CNTROB: variants seen among roughly 807,000 people sequenced by gnomAD.
CNTROB encodes the protein centrobin.
CNTROB carries 82 observed loss-of-function variants against 115.7 expected under a neutral mutation model. The ratio of observed to expected loss-of-function variants is 0.71; its 90% CI spans 0.59 to 0.85. The LOEUF is 0.85. CNTROB is among the 40% of genes least tolerant of loss of function. The pLI, the probability that CNTROB is intolerant of heterozygous loss-of-function variation, is 0.00. For synonymous variants in CNTROB, 439 were observed against 456.4 expected (o/e 0.96, Z 0.49); for missense variants, 1,014 against 1,144.4 (o/e 0.89, Z 1.64).
At chr17:7,936,843 T>C (rs1973242833) in intron 6 of CNTROB, 26 bp downstream of exon 6, 1 of 918,192 alleles carries the variant, frequency 1.1e-6, no homozygotes, top group Non-Finnish European at 1.8e-6. Flanking sequence ...CATATGGCAT[T>C]AGAACCTGAG....
chr17:7,933,395 AG>A (rs776786239), intron 1 of CNTROB, 46 bp downstream of exon 1: 1 of 1,558,816 alleles, frequency 6.4e-7, no homozygotes, highest in Non-Finnish European at 8.7e-7. Context: ...TAGACACCAG[AG>A]AGTCTTGGGA....
In CNTROB at chr17:7,939,558, C is replaced by T. The variant is rs1481877069; in HGVS notation, c.973C>T (p.Gln325Ter). The T allele has an allele frequency of 4.3e-6, 7 of 1,614,134 alleles. No individual in the cohort carries two copies. In the Admixed American group the frequency reaches 5.0e-5, roughly 12 times the overall value. The change falls in exon 8 of 19, where the codon CAG (glutamine) becomes TAG (stop). Residue 325 changes from glutamine (Q) to a stop codon, truncating the protein, a stop_gained. Coordinates refer to ENST00000563694, the MANE Select transcript of CNTROB (RefSeq NM_053051.5). LOFTEE classifies it high-confidence loss of function. The surrounding 1 kb of genome is among the most constrained non-coding windows in gnomAD (Gnocchi z 4.4). ...ALTLRLEAEQQRCCVLQEERD... is the reference protein window; with the variant it reads ...ALTLRLEAEQ ...GACTCTGAGGTTGGAGGCAGAACAG[C>T]AGCGGTGCTGTGTCCTGCAGGAAGA...
rs549067805 is a variant in CNTROB, at chr17:7,937,013, A to G, written c.829-151A>G. ...GTCCAACTTGAATCATCAATGTCTT[A>G]ATTTTTCCCACACCATGTAGTCTTC... On this transcript the variant is annotated intron_variant, in intron 6 of 18. Transcript: ENST00000563694. The G allele has an allele frequency of 3.0e-6, 3 of 1,009,654 alleles. No individual in the cohort carries two copies. In the East Asian group the frequency reaches 7.2e-5, roughly 24 times the overall value. The allele number at this position is 1,009,654 out of a possible 1,614,324, so 62.5% of individuals were successfully genotyped here. A position where few individuals can be genotyped will look rare whatever the true frequency, so the allele number is the denominator to read the frequency against.
At chr17:7,936,315 G>T (rs1271087579) in intron 4 of CNTROB, 51 bp from the exon 5 acceptor site, 1 of 819,830 alleles carries the variant, frequency 1.2e-6, no homozygotes, top group Non-Finnish European at 2.2e-6. Flanking sequence ...GTTTGGTGCT[G>T]TGGTCATACC....
At position 7,936,288 on chromosome 17, in the gene CNTROB, A is replaced by G. The variant is rs768867169; in HGVS notation, c.595-78A>G. On this transcript the variant is annotated intron_variant, in intron 4 of 18. Transcript: ENST00000563694. Reference sequence around the variant, plus strand: ...CTTCTTGGCTCCAGCCCACTCCCCCACTAGAGGAGCTGGAAAGTTTGGTGC... The same window carrying G: ...CTTCTTGGCTCCAGCCCACTCCCCCGCTAGAGGAGCTGGAAAGTTTGGTGC... The G allele has an allele frequency of 7.7e-6, 6 of 775,336 alleles. No individual in the cohort carries two copies. The African/African-American group carries it at 1.0e-4, about 13-fold the overall frequency. The allele number at this position is 775,336 out of a possible 1,614,324, so 48.0% of individuals were successfully genotyped here.
chr17:7,947,743 A>G (rs1974724523), intron 14 of CNTROB, 21 bp downstream of exon 14: 1 of 1,603,494 alleles, frequency 6.2e-7, no homozygotes. Context: ...TTCCACCCAG[A>G]CTAGCTCACT....
At chr17:7,934,927 A>C in intron 3 of CNTROB, 62 bp from the exon 4 acceptor site, 2 of 1,510,864 alleles carry the variant, frequency 1.3e-6, no homozygotes, top group African/African-American at 2.8e-5. Context: ...AGAATATCAC[A>C]GTTGGACAAG....
chr17:7,940,392 G>C lies in CNTROB; in HGVS notation c.1311+150G>C, dbSNP rs73235735. ...TTCTATGTAGTATGGGTAGTTTTCT[G>C]TCCTAAACTCAGAGCTATTTCTTAC... On this transcript the variant is annotated intron_variant, in intron 9 of 18. Coordinates refer to ENST00000563694, the MANE Select transcript of CNTROB (RefSeq NM_053051.5). The C allele has an allele frequency of 4.2e-3, 2,722 of 643,116 alleles. 59 individuals are homozygous for C. In the African/African-American group the frequency reaches 0.045, roughly 11 times the overall value. 39.8% of individuals were successfully genotyped at this position (643,116 alleles called of 1,614,324 possible).
At position 7,932,569 on chromosome 17, in the gene CNTROB, TGG is replaced by T. The variant is rs1972638774; in HGVS notation, c.-507_-506del. On this transcript the variant is annotated 5_prime_UTR_variant, in exon 1 of 19. The change creates a premature stop within an existing upstream ORF in the 5' untranslated region. Transcript: ENST00000563694. ...ACCCTGGGTAGAACGGGTGAAGGGATGGGGGAGCGTGAGGTTCCGCCCTCTCT... is the reference window on the plus strand; with the variant it reads ...ACCCTGGGTAGAACGGGTGAAGGGATGGGAGCGTGAGGTTCCGCCCTCTCT... The T allele has an allele frequency of 4.4e-5, 7 of 158,502 alleles. No individual in the cohort carries two copies. The Admixed American group carries it at 4.5e-4, about 10-fold the overall frequency. The allele number at this position is 158,502 out of a possible 1,614,324, so 9.8% of individuals were successfully genotyped here.
At position 7,949,472 on chromosome 17, in the gene CNTROB, C is replaced by T; in HGVS notation, c.2674C>T (p.Pro892Ser). Reference sequence around the variant, plus strand: ...ACGGAAGAAAAGTGGGCACCCTGCCCCGAGTAGCATGAGGAGCCGGGGGGG... The same window carrying T: ...ACGGAAGAAAAGTGGGCACCCTGCCTCGAGTAGCATGAGGAGCCGGGGGGG... ...PARKKSGHPA[P>S]SSMRSRGGVW... Residue 892 changes from proline to serine, a missense_variant, in exon 19 of 19, where the codon CCG becomes TCG. Transcript: ENST00000563694. The T allele has an allele frequency of 6.2e-7, 1 of 1,614,188 alleles. No homozygotes were observed. Among genetic ancestry groups the T allele is most frequent in the Non-Finnish European group, 8.5e-7 (1 of 1,180,038 alleles).
Position 7,943,264 on chromosome 17 carries a change from G to A in CNTROB, c.1312-127G>A, listed in dbSNP as rs1172367125. On this transcript the variant is annotated intron_variant, in intron 9 of 18. Coordinates refer to ENST00000563694, the MANE Select transcript of CNTROB (RefSeq NM_053051.5). The surrounding 1 kb of genome is among the most constrained non-coding windows in gnomAD (Gnocchi z 4.7). ...AAAGGGAACCTCTTTCACTCCTTGAGGCAAAATTCTTGTTCTTCATCTCAT... is the reference window on the plus strand; with the variant it reads ...AAAGGGAACCTCTTTCACTCCTTGAAGCAAAATTCTTGTTCTTCATCTCAT... 3.2e-6 allele frequency: 2 copies of A among 622,604 alleles called. No homozygotes were observed. The highest frequency in any genetic ancestry group is 3.7e-5 in the African/African-American group (2 of 53,742). The allele number at this position is 622,604 out of a possible 1,614,324, so 38.6% of individuals were successfully genotyped here. A position where few individuals can be genotyped will look rare whatever the true frequency, so the allele number is the denominator to read the frequency against.
At position 7,944,448 on chromosome 17, in the gene CNTROB, T is replaced by C. The variant is rs374423506; in HGVS notation, c.1572-28T>C. 2.5e-6 allele frequency: 4 copies of C among 1,608,118 alleles called. No homozygotes were observed. In the African/African-American group the frequency reaches 5.3e-5, roughly 21 times the overall value. On this transcript the variant is annotated intron_variant, in intron 11 of 18. Coordinates refer to ENST00000563694, the MANE Select transcript of CNTROB (RefSeq NM_053051.5). This position sits in a 1 kb window ranked among gnomAD's most constrained non-coding sequence, Gnocchi z 4.0. ...CAAGTATCTGCTTCCTTAAAGGCCC[T>C]GAGTCACTTCTTCTCTCTTTGCTTC...
rs1462297709 is a variant in CNTROB, at chr17:7,948,399, C to T, written c.2380+72C>T. On this transcript the variant is annotated intron_variant, in intron 16 of 18. Coordinates refer to ENST00000563694, the MANE Select transcript of CNTROB (RefSeq NM_053051.5). This position sits in a 1 kb window ranked among gnomAD's most constrained non-coding sequence, Gnocchi z 4.4. Reference sequence around the variant, plus strand: ...AGTGTGGATCCAGTACAGGCACTTACAGTCCTTCTGAATTCCTGGGGAAAT... The same window carrying T: ...AGTGTGGATCCAGTACAGGCACTTATAGTCCTTCTGAATTCCTGGGGAAAT... The T allele has an allele frequency of 5.6e-6, 9 of 1,607,282 alleles. No homozygotes were observed. In the Admixed American group the frequency reaches 6.7e-5, roughly 12 times the overall value.
rs765828028 is a variant in CNTROB at position 7,949,463 on chromosome 17, C to G, written c.2665C>G (p.His889Asp). ...EKPPARKKSG[H>D]PAPSSMRSRG... is the part of the protein sequence containing the mutation. Reference sequence around the variant, plus strand: ...ACCTCCCGCACGGAAGAAAAGTGGGCACCCTGCCCCGAGTAGCATGAGGAG... The same window carrying G: ...ACCTCCCGCACGGAAGAAAAGTGGGGACCCTGCCCCGAGTAGCATGAGGAG... Residue 889 changes from histidine (H) to aspartate (D), a missense_variant, in exon 19 of 19, where the codon CAC becomes GAC. His to Asp is a moderately conservative substitution (Grantham distance 81). Coordinates refer to ENST00000563694, the MANE Select transcript of CNTROB (RefSeq NM_053051.5). The G allele has an allele frequency of 6.2e-7, 1 of 1,614,188 alleles. No individual in the cohort carries two copies.
At position 7,936,690 on chromosome 17, in the gene CNTROB, C is replaced by T. The variant is rs571965958; in HGVS notation, c.712-11C>T. 8.4e-6 allele frequency: 10 copies of T among 1,192,658 alleles called. No individual in the cohort carries two copies. In the South Asian group the frequency reaches 8.5e-5, roughly 10 times the overall value. 73.9% of individuals were successfully genotyped at this position (1,192,658 alleles called of 1,614,324 possible). A position where few individuals can be genotyped will look rare whatever the true frequency, so the allele number is the denominator to read the frequency against. The stretch of plus-strand genomic sequence containing the variant: ...TTATTTTGAAATTTCATCTTACTTG[C>T]CCTACCTAAGACCCTGGCCCGTGTG... On this transcript the variant is annotated splice_polypyrimidine_tract_variant and intron_variant, in intron 5 of 18. Transcript: ENST00000563694.
Position 7,939,971 on chromosome 17 carries a change from A to C in CNTROB, c.1165-125A>C, listed in dbSNP as rs1973658973. ...ACTGAAATTCAACAGGGATGGGGAAATAAAACAAATGGGAGGAGCTGGGGG... is the reference window on the plus strand; with the variant it reads ...ACTGAAATTCAACAGGGATGGGGAACTAAAACAAATGGGAGGAGCTGGGGG... On this transcript the variant is annotated intron_variant, in intron 8 of 18. Coordinates refer to ENST00000563694, the MANE Select transcript of CNTROB (RefSeq NM_053051.5). The surrounding 1 kb of genome is among the most constrained non-coding windows in gnomAD (Gnocchi z 4.4). The C allele has an allele frequency of 9.6e-6, 12 of 1,250,668 alleles. No homozygotes were observed. The South Asian group carries it at 1.6e-4, about 17-fold the overall frequency. 77.5% of individuals were successfully genotyped at this position (1,250,668 alleles called of 1,614,324 possible).
Position 7,947,723 on chromosome 17 carries a change from G to A in CNTROB, c.2145+1G>A, listed in dbSNP as rs1567938463. ...GGGCCTCAAGAATTTTTTGCACCAG[G>A]TAAGAGAGATTCCACCCAGACTAGC... On this transcript the variant is annotated splice_donor_variant, in intron 14 of 18. Coordinates refer to ENST00000563694, the MANE Select transcript of CNTROB (RefSeq NM_053051.5). LOFTEE classifies it high-confidence loss of function. 1.2e-6 allele frequency: 2 copies of A among 1,609,294 alleles called. No individual in the cohort carries two copies. Among genetic ancestry groups the A allele is most frequent in the Non-Finnish European group, 1.7e-6 (2 of 1,176,828 alleles).
chr17:7,936,291 A>G (rs1973156962), intron 4 of CNTROB, 75 bp from the exon 5 acceptor site: 1 of 777,288 alleles, frequency 1.3e-6, no homozygotes, highest in South Asian at 1.3e-5. Flanking sequence ...CTCCCCCACT[A>G]GAGGAGCTGG....
chr17:7,943,626 G>A lies in CNTROB; in HGVS notation c.1445+102G>A. 7.8e-7 allele frequency: 1 copy of A among 1,282,458 alleles called. No individual in the cohort carries two copies. The highest frequency in any genetic ancestry group is 1.1e-6 in the Non-Finnish European group (1 of 947,304). 79.4% of individuals were successfully genotyped at this position (1,282,458 alleles called of 1,614,324 possible). A position where few individuals can be genotyped will look rare whatever the true frequency, so the allele number is the denominator to read the frequency against. ...TCCCTTTGCCATGGTCCAGCACTGT[G>A]ACTCCCAGGGTGCGCTAACTCCCAT... On this transcript the variant is annotated intron_variant, in intron 10 of 18. Coordinates refer to ENST00000563694, the MANE Select transcript of CNTROB (RefSeq NM_053051.5). The surrounding 1 kb of genome is among the most constrained non-coding windows in gnomAD (Gnocchi z 4.7).
Sources: allele counts gnomAD v4.1 joint callset, GRCh38; gene constraint gnomAD v4.1.1; non-coding constraint Gnocchi (gnomAD v3.1); transcripts MANE v1.5; gene names NCBI Gene and HGNC (gene_info 2026-07-23, HGNC 2026-07-21).